LRRIQ3: variants seen among roughly 807,000 people sequenced by gnomAD.
LRRIQ3 encodes leucine rich repeats and IQ motif containing 3.
LRRIQ3 carries 75 observed loss-of-function variants against 59.3 expected under a neutral mutation model. The observed-to-expected ratio is 1.26, with a 90% CI of 1.05 to 1.53. The LOEUF is 1.53. LRRIQ3 is among the 40% of genes most tolerant of loss of function. LRRIQ3 has a pLI of 0.00. For missense variants in LRRIQ3, 831 were observed against 710.0 expected (o/e 1.17, Z -1.94); for synonymous variants, 250 against 231.3 (o/e 1.08, Z -0.73).
chr1:74,159,422 T>A (rs1300132467), intron 3 of LRRIQ3, among the ~76,000 whole-genome samples: 1 of 152,152 alleles, frequency 6.6e-6, no homozygotes, highest in Non-Finnish European at 1.5e-5. Context: ...GTTAAAATAC[T>A]AAGTAATCAT....
chr1:74,165,809 T>C (rs1570243859), intron 3 of LRRIQ3, among the ~76,000 whole-genome samples: 2 of 151,670 alleles, frequency 1.3e-5, no homozygotes, highest in East Asian at 3.9e-4. Context: ...TTTGTCAAAT[T>C]TTTTTCTGCA....
At chr1:74,082,591 G>T (rs1646285501) in intron 5 of LRRIQ3, 1 of 151,436 alleles carries the variant, frequency 6.6e-6, no homozygotes, top group African/African-American at 2.4e-5. Flanking sequence ...CACAAACGGG[G>T]ACTTGCCAAT....
At chr1:74,099,900 T>C (rs929046757) in intron 5 of LRRIQ3, among the ~76,000 whole-genome samples, 2 of 152,014 alleles carry the variant, frequency 1.3e-5, no homozygotes, top group Non-Finnish European at 2.9e-5. Context: ...ATTAATGGGA[T>C]GTATCTCAAA....
intron 6 of LRRIQ3, among the ~76,000 whole-genome samples, chr1:74,053,177 C>CAAAAAAAA (rs11403724): frequency 4.0e-5 from 4 of 100,964 alleles, no homozygotes; most frequent in African/African-American, 8.5e-5. Flanking sequence ...CTCCACATGC[C>CAAAAAAAA]AAAAAAAAAA....
intron 5 of LRRIQ3, among the ~76,000 whole-genome samples, chr1:74,102,091 A>G (rs1052635519): frequency 2.0e-5 from 3 of 151,922 alleles, no homozygotes; most frequent in African/African-American, 7.2e-5. Context: ...TCAAGTTTGT[A>G]AGAGTGCATT....
At position 74,183,462 on chromosome 1, in the gene LRRIQ3, T is replaced by C; in HGVS notation, c.223A>G (p.Ile75Val). 6.3e-7 allele frequency: 1 copy of C among 1,592,476 alleles called. No individual in the cohort carries two copies. The highest frequency in any genetic ancestry group is 8.5e-7 in the Non-Finnish European group (1 of 1,169,794). Residue 75 changes from isoleucine (I) to valine (V), a missense_variant, in exon 2 of 8, where the codon ATC (isoleucine) becomes GTC (valine). By Grantham distance (29) the Ile-to-Val change is conservative (BLOSUM62 3). Coordinates refer to ENST00000354431, the MANE Select transcript of LRRIQ3 (RefSeq NM_001105659.2). ...TGATTTCCATGGAGATCAAGTTTGA[T>C]TAATTTTATACAACTTTGAAGTGGA... is the stretch of plus-strand genomic sequence containing the variant. ...IHPLQSCIKL[I>V]KLDLHGNQIK... is the part of the protein sequence containing the mutation.
chr1:74,035,181 G>A (rs1653832674), intron 7 of LRRIQ3, among the ~76,000 whole-genome samples: 1 of 152,054 alleles, frequency 6.6e-6, no homozygotes, highest in South Asian at 2.1e-4. Flanking sequence ...GTTCAGCTAA[G>A]TTACGTTTGA....
intron 4 of LRRIQ3, among the ~76,000 whole-genome samples, chr1:74,154,815 T>A (rs1345341731): frequency 6.6e-6 from 1 of 152,244 alleles, no homozygotes; most frequent in Non-Finnish European, 1.5e-5. Context: ...CAATGTGAGA[T>A]TATGTTCTCT....
At chr1:74,068,829 T>C (rs974071856) in intron 6 of LRRIQ3, among the ~76,000 whole-genome samples, 1 of 142,574 alleles carries the variant, frequency 7.0e-6, no homozygotes, top group African/African-American at 2.6e-5. Flanking sequence ...AGGAGAATGG[T>C]AAAAAAAAAA....
intron 1 of LRRIQ3, among the ~76,000 whole-genome samples, chr1:74,196,002 ATT>A (rs566984037): frequency 6.7e-6 from 1 of 150,120 alleles, no homozygotes; most frequent in Non-Finnish European, 1.5e-5. Context: ...GTATTTTTTA[ATT>A]TTTTTTTTAC....
chr1:74,113,433 T>A (rs186287440), intron 4 of LRRIQ3, among the ~76,000 whole-genome samples: 128 of 152,168 alleles, frequency 8.4e-4, no homozygotes, highest in African/African-American at 3.0e-3. Context: ...AGAAGTCCAA[T>A]GAATGTAAAG....
rs578145795 is a variant in LRRIQ3 at position 74,143,426 on chromosome 1, T to G, written c.707+12307A>C. The stretch of plus-strand genomic sequence containing the variant: ...ATAGTATTGCCTTGAATCTGTACTT[T>G]GTCGTAACAGATGGTCAACAATCCC... On this transcript the variant is annotated intron_variant, in intron 4 of 7. Transcript: ENST00000354431. Among the ~76,000 whole-genome samples the G allele has an allele frequency of 1.4e-3, 210 of 152,098 alleles. 1 individual carries two copies. Among genetic ancestry groups the G allele is most frequent in the Non-Finnish European group, 2.8e-3 (189 of 67,906 alleles).
intron 5 of LRRIQ3, among the ~76,000 whole-genome samples, chr1:74,080,675 A>G (rs528947222): frequency 3.4e-4 from 51 of 151,806 alleles, no homozygotes; most frequent in African/African-American, 1.2e-3. Context: ...GCTAATCCAG[A>G]TCTTACCTTT....
chr1:74,163,204 GT>G (rs1648761737), intron 3 of LRRIQ3, among the ~76,000 whole-genome samples: 1 of 151,066 alleles, frequency 6.6e-6, no homozygotes, highest in Non-Finnish European at 1.5e-5. Flanking sequence ...AATCCCATAA[GT>G]GTTTATTTCA....
intron 5 of LRRIQ3, among the ~76,000 whole-genome samples, chr1:74,077,287 T>C (rs1646220015): frequency 6.6e-6 from 1 of 152,006 alleles, no homozygotes; most frequent in Admixed American, 6.6e-5. Context: ...ATGCAATTCA[T>C]CACATGTTGA....
chr1:74,171,243 A>C (rs980357309), intron 3 of LRRIQ3, among the ~76,000 whole-genome samples: 56 of 152,152 alleles, frequency 3.7e-4, no homozygotes, highest in African/African-American at 1.4e-3. Context: ...AAAACTTAAA[A>C]GTTTTTCACT....
intron 3 of LRRIQ3, among the ~76,000 whole-genome samples, chr1:74,175,054 G>C (rs1424770126): frequency 6.6e-6 from 1 of 152,108 alleles, no homozygotes; most frequent in Non-Finnish European, 1.5e-5. Flanking sequence ...CTGGCTTTAG[G>C]AATTAAAGGT....
At chr1:74,180,926 C>T in intron 3 of LRRIQ3, 1 of 752,944 alleles carries the variant, frequency 1.3e-6, no homozygotes, top group East Asian at 2.8e-5. Flanking sequence ...TCTTTAGCAA[C>T]TAACACTAGC....
chr1:74,163,772 C>A (rs1287987560), intron 3 of LRRIQ3, among the ~76,000 whole-genome samples: 2 of 151,498 alleles, frequency 1.3e-5, no homozygotes, highest in African/African-American at 4.8e-5. Context: ...GGGATAAATT[C>A]TCAGTATTGC....
Sources: gnomAD v4.1 joint callset for allele counts (sites outside exome capture counted in the v4.1 genomes callset) on GRCh38, gnomAD v4.1.1 for gene constraint, MANE v1.5 for transcripts, NCBI Gene and HGNC (gene_info 2026-07-23, HGNC 2026-07-21) for gene names.